Variants in PHACTR1 observed in about 807,000 individuals in gnomAD.
The protein encoded by PHACTR1 is RPEL repeat containing 1.
Under a neutral mutation model 69.2 loss-of-function variants are expected in PHACTR1, and 16 were observed. The observed-to-expected ratio is 0.23, with a 90% CI of 0.16 to 0.35. The LOEUF is 0.35. Among genes scored for constraint, PHACTR1 ranks in the 10% least tolerant of loss-of-function variants. The pLI is 1.00. For synonymous variants in PHACTR1, 312 were observed against 284.5 expected (o/e 1.10, Z -0.97); for missense variants, 510 against 734.7 (o/e 0.69, Z 3.54).
intron 7 of PHACTR1, among the ~76,000 whole-genome samples, chr6:13,194,419 A>G (rs186767928): frequency 3.7e-3 from 553 of 147,778 alleles, no homozygotes; most frequent in Non-Finnish European, 5.9e-3. Flanking sequence ...AAAAAAAAAG[A>G]AAGAAAGGAA....
At chr6:13,037,096 G>T (rs1024151334) in intron 4 of PHACTR1, among the ~76,000 whole-genome samples, 5 of 152,136 alleles carry the variant, frequency 3.3e-5, no homozygotes, top group Admixed American at 3.3e-4. Context: ...AATGAGGCAG[G>T]CTCCAGGCCT....
At chr6:12,978,041 G>C (rs977984286) in intron 4 of PHACTR1, among the ~76,000 whole-genome samples, 3 of 152,216 alleles carry the variant, frequency 2.0e-5, no homozygotes, top group Admixed American at 6.5e-5. Flanking sequence ...CCTAATTTCA[G>C]CTCCCGTATC....
chr6:12,826,400 T>C (rs929159282), intron 4 of PHACTR1, among the ~76,000 whole-genome samples: 2 of 152,172 alleles, frequency 1.3e-5, no homozygotes, highest in African/African-American at 4.8e-5. Flanking sequence ...GCTAGGAAAA[T>C]TTAAAAACTT....
At chr6:12,775,273 C>T (rs905783787) in intron 4 of PHACTR1, among the ~76,000 whole-genome samples, 2 of 152,058 alleles carry the variant, frequency 1.3e-5, no homozygotes, top group Admixed American at 1.3e-4. Context: ...CTCAAAAATA[C>T]CCCTAATGAA....
intron 5 of PHACTR1, among the ~76,000 whole-genome samples, chr6:13,078,499 T>G (rs1810887309): frequency 6.6e-6 from 1 of 152,172 alleles, no homozygotes. Context: ...GGAATGTAGT[T>G]CTAACCATAA....
At chr6:12,893,635 A>G (rs1485682574) in intron 4 of PHACTR1, among the ~76,000 whole-genome samples, 1 of 152,068 alleles carries the variant, frequency 6.6e-6, no homozygotes, top group Admixed American at 6.5e-5. Context: ...TTATCTTTCA[A>G]CCATTCTGTC....
At chr6:13,011,783 A>G (rs963024123) in intron 4 of PHACTR1, among the ~76,000 whole-genome samples, 1 of 152,198 alleles carries the variant, frequency 6.6e-6, no homozygotes, top group African/African-American at 2.4e-5. Flanking sequence ...CTCTTTTCAG[A>G]AGGGAGTTAA....
chr6:12,935,374 G>T (rs1789327939), intron 4 of PHACTR1, among the ~76,000 whole-genome samples: 1 of 152,064 alleles, frequency 6.6e-6, no homozygotes, highest in Non-Finnish European at 1.5e-5. Context: ...CTCCCGAGTA[G>T]CTGGGATTAT....
intron 5 of PHACTR1, among the ~76,000 whole-genome samples, chr6:13,121,660 G>A (rs924929814): frequency 2.2e-4 from 33 of 152,142 alleles, no homozygotes; most frequent in African/African-American, 6.8e-4. Flanking sequence ...CATTTTATAT[G>A]ATCTGACATG....
chr6:12,868,698 A>T (rs1781723441), intron 4 of PHACTR1, among the ~76,000 whole-genome samples: 1 of 152,204 alleles, frequency 6.6e-6, no homozygotes. Context: ...AATAGCAAAA[A>T]GCATATGTCC....
intron 5 of PHACTR1, among the ~76,000 whole-genome samples, chr6:13,110,368 A>G (rs562570807): frequency 6.6e-6 from 1 of 152,290 alleles, no homozygotes; most frequent in East Asian, 1.9e-4. Flanking sequence ...CTATTAAGGC[A>G]TTCTGGGATC....
chr6:12,823,238 A>T (rs9463174), intron 4 of PHACTR1, among the ~76,000 whole-genome samples: 1,724 of 152,294 alleles, frequency 0.011, 37 homozygotes, highest in African/African-American at 0.04. Flanking sequence ...GATTTTGGGA[A>T]GGAAGTAAAT....
intron 4 of PHACTR1, among the ~76,000 whole-genome samples, chr6:12,754,319 C>T (rs1767019325): frequency 6.6e-6 from 1 of 152,046 alleles, no homozygotes; most frequent in Admixed American, 6.6e-5. Flanking sequence ...GATTGCTTCA[C>T]CAACCTAAAG....
intron 4 of PHACTR1, among the ~76,000 whole-genome samples, chr6:12,859,987 T>TCATCA (rs1780779790): frequency 6.6e-6 from 1 of 150,436 alleles, no homozygotes; most frequent in Non-Finnish European, 1.5e-5. Flanking sequence ...GAAGGACATC[T>TCATCA]TCATCATCAT....
chr6:12,836,406 C>A (rs1778169637), intron 4 of PHACTR1, among the ~76,000 whole-genome samples: 1 of 152,080 alleles, frequency 6.6e-6, no homozygotes, highest in Non-Finnish European at 1.5e-5. Context: ...ACCTTGGATT[C>A]TTTTGAGTAT....
chr6:13,262,314 G>A (rs987123405), intron 10 of PHACTR1, among the ~76,000 whole-genome samples: 2 of 152,160 alleles, frequency 1.3e-5, no homozygotes, highest in Non-Finnish European at 2.9e-5. Flanking sequence ...AGATGTATGG[G>A]GGAAGAAGAT....
At chr6:13,162,538 A>G (rs1372287031) in intron 6 of PHACTR1, among the ~76,000 whole-genome samples, 1 of 152,166 alleles carries the variant, frequency 6.6e-6, no homozygotes, top group Non-Finnish European at 1.5e-5. Flanking sequence ...ATTATATAAT[A>G]AGCACCCGAG....
intron 4 of PHACTR1, among the ~76,000 whole-genome samples, chr6:12,959,478 A>G (rs1266263136): frequency 2.0e-5 from 3 of 152,228 alleles, no homozygotes; most frequent in African/African-American, 7.2e-5. Context: ...ACTAAAGCCC[A>G]CACTTGAAAT....
chr6:13,124,989 G>A (rs1040288487), intron 5 of PHACTR1, among the ~76,000 whole-genome samples: 2 of 152,148 alleles, frequency 1.3e-5, no homozygotes, highest in African/African-American at 4.8e-5. Flanking sequence ...GTAGGGTGTT[G>A]AACACAGAAC....
Sources: gnomAD v4.1 joint callset for allele counts (sites outside exome capture counted in the v4.1 genomes callset) on GRCh38, gnomAD v4.1.1 for gene constraint, MANE v1.5 for transcripts, NCBI Gene and HGNC (gene_info 2026-07-23, HGNC 2026-07-21) for gene names.